The following NCAM1 variants were observed in gnomAD, a reference collection of about 807,000 sequenced individuals.
NCAM1 encodes the protein antigen recognized by monoclonal antibody 5.1H11.
Under a neutral mutation model 109.8 loss-of-function variants are expected in NCAM1, and 14 were observed. The observed-to-expected ratio is 0.13, with a 90% CI of 0.08 to 0.20. The LOEUF is 0.20. Among genes scored for constraint, NCAM1 ranks in the 10% least tolerant of loss-of-function variants. The pLI is 1.00. For synonymous variants in NCAM1, 418 were observed against 442.9 expected (o/e 0.94, Z 0.70); for missense variants, 774 against 1,109.9 (o/e 0.70, Z 4.30).
At chr11:113,147,860 A>T (rs1942073773) in intron 1 of NCAM1, among the ~76,000 whole-genome samples, 1 of 152,202 alleles carries the variant, frequency 6.6e-6, no homozygotes, top group Non-Finnish European at 1.5e-5. Flanking sequence ...GCCATGAAAA[A>T]TGCACGGTTC....
chr11:113,051,379 G>C (rs1953482393), intron 1 of NCAM1, among the ~76,000 whole-genome samples: 1 of 152,112 alleles, frequency 6.6e-6, no homozygotes, highest in South Asian at 2.1e-4. Context: ...TGTGAAATGA[G>C]GTGTTGGGTT....
chr11:113,162,176 TA>T (rs1942623365), intron 1 of NCAM1, among the ~76,000 whole-genome samples: 1 of 152,188 alleles, frequency 6.6e-6, no homozygotes, highest in Non-Finnish European at 1.5e-5. Flanking sequence ...AGGCAATTGC[TA>T]CAGGAACAAG....
chr11:112,994,951 CAT>C (rs1951553993), intron 1 of NCAM1, among the ~76,000 whole-genome samples: 1 of 152,106 alleles, frequency 6.6e-6, no homozygotes. Context: ...GAAATAAACT[CAT>C]GTGCTCTGTC....
chr11:113,117,471 G>A (rs868940580), intron 1 of NCAM1, among the ~76,000 whole-genome samples: 2 of 151,778 alleles, frequency 1.3e-5, no homozygotes, highest in Admixed American at 6.6e-5. Context: ...ACTAATCCCC[G>A]CAGCTCAGAC....
chr11:113,037,280 A>G (rs1555079316), intron 1 of NCAM1, among the ~76,000 whole-genome samples: 1 of 152,174 alleles, frequency 6.6e-6, no homozygotes, highest in East Asian at 1.9e-4. Flanking sequence ...AAGTTACAGG[A>G]TTGCTCAGAA....
chr11:113,008,737 A>G (rs1555073755), intron 1 of NCAM1, among the ~76,000 whole-genome samples: 1 of 152,218 alleles, frequency 6.6e-6, no homozygotes, highest in Non-Finnish European at 1.5e-5. Context: ...TAAATCAGTA[A>G]GTTAAAAGTC....
intron 7 of NCAM1, among the ~76,000 whole-genome samples, chr11:113,212,418 G>A (rs1032217739): frequency 8.5e-5 from 13 of 152,156 alleles, no homozygotes; most frequent in African/African-American, 3.1e-4. Context: ...GGGAAATGGA[G>A]CCTCCAAGGC....
At chr11:113,253,391 T>C (rs1359142284) in intron 15 of NCAM1, among the ~76,000 whole-genome samples, 2 of 152,192 alleles carry the variant, frequency 1.3e-5, no homozygotes, top group African/African-American at 4.8e-5. Context: ...TTTCCCACAA[T>C]GTCATGAGAA....
chr11:112,961,757 A>G, intron 1 of NCAM1, 93 bp downstream of exon 1: 1 of 810,738 alleles, frequency 1.2e-6, no homozygotes, highest in Non-Finnish European at 2.0e-6. Context: ...GGGTGGTTTT[A>G]CGTGGACTGC....
chr11:113,140,909 G>GT (rs1313004937), intron 1 of NCAM1, among the ~76,000 whole-genome samples: 3 of 150,198 alleles, frequency 2.0e-5, no homozygotes, highest in Non-Finnish European at 3.0e-5. Flanking sequence ...CATTTTTTTT[G>GT]TTTTTTTCTG....
chr11:113,029,490 T>G (rs1555077994), intron 1 of NCAM1, among the ~76,000 whole-genome samples: 1 of 152,220 alleles, frequency 6.6e-6, no homozygotes, highest in African/African-American at 2.4e-5. Flanking sequence ...TTGATACTTT[T>G]GTGCAATATG....
At chr11:113,067,003 C>CAAAAAAA (rs34002848) in intron 1 of NCAM1, among the ~76,000 whole-genome samples, 2 of 103,700 alleles carry the variant, frequency 1.9e-5, no homozygotes, top group African/African-American at 3.8e-5. Context: ...GAACCCCTCT[C>CAAAAAAA]AAAAAAAAAA....
chr11:113,258,661 G>T (rs1555122700), intron 16 of NCAM1, among the ~76,000 whole-genome samples: 1 of 152,128 alleles, frequency 6.6e-6, no homozygotes, highest in African/African-American at 2.4e-5. Flanking sequence ...AATGTTTCTA[G>T]CCCAGAGAAA....
chr11:113,055,994 T>TAG (rs1396906434), intron 1 of NCAM1, among the ~76,000 whole-genome samples: 3 of 97,604 alleles, frequency 3.1e-5, no homozygotes, highest in African/African-American at 1.4e-4. Flanking sequence ...TATATATATA[T>TAG]ATATATATAT....
intron 1 of NCAM1, among the ~76,000 whole-genome samples, chr11:113,001,019 C>T (rs1951741197): frequency 6.6e-6 from 1 of 151,992 alleles, no homozygotes; most frequent in Non-Finnish European, 1.5e-5. Flanking sequence ...ATGCGTGCTG[C>T]CCCAAATCCC....
intron 1 of NCAM1, among the ~76,000 whole-genome samples, chr11:113,011,069 G>T (rs552481720): frequency 1.3e-5 from 2 of 148,422 alleles, no homozygotes; most frequent in South Asian, 4.4e-4. Flanking sequence ...CCACTAACTC[G>T]TCATCTAGCA....
intron 16 of NCAM1, among the ~76,000 whole-genome samples, chr11:113,259,773 G>A (rs563119457): frequency 3.5e-5 from 5 of 141,316 alleles, no homozygotes; most frequent in African/African-American, 8.1e-5. Flanking sequence ...GCATTATCTC[G>A]GCTCACTGCA....
chr11:113,154,030 T>C (rs1375330073), intron 1 of NCAM1, among the ~76,000 whole-genome samples: 3 of 152,240 alleles, frequency 2.0e-5, no homozygotes, highest in Non-Finnish European at 2.9e-5. Context: ...TAGTCCATGC[T>C]CTGAGTTGGC....
intron 1 of NCAM1, among the ~76,000 whole-genome samples, chr11:113,121,933 G>A (rs552147216): frequency 6.6e-6 from 1 of 152,348 alleles, no homozygotes; most frequent in African/African-American, 2.4e-5. Flanking sequence ...CATCACAGCT[G>A]TGGTCTTGCT....
Sources: gnomAD v4.1 joint callset for allele counts (sites outside exome capture counted in the v4.1 genomes callset) on GRCh38, gnomAD v4.1.1 for gene constraint, MANE v1.5 for transcripts, NCBI Gene and HGNC (gene_info 2026-07-23, HGNC 2026-07-21) for gene names.